MEGF6: variants seen among roughly 807,000 people sequenced by gnomAD.
MEGF6 encodes multiple epidermal growth factor-like domains protein 6.
MEGF6 carries 184 observed loss-of-function variants against 207.1 expected under a neutral mutation model. The observed-to-expected ratio is 0.89, with a 90% CI of 0.79 to 1.00. The LOEUF is 1.00. MEGF6 is among the 50% of genes least tolerant of loss of function. The pLI is 0.00. For synonymous variants in MEGF6, 1,038 were observed against 910.0 expected (o/e 1.14, Z -2.53); for missense variants, 2,282 against 2,202.9 (o/e 1.04, Z -0.72).
chr1:3,586,093 CAT>C (rs1365631590), intron 3 of MEGF6, among the ~76,000 whole-genome samples: 9 of 142,676 alleles, frequency 6.3e-5, no homozygotes, highest in African/African-American at 2.4e-4. Flanking sequence ...TGTGAGGACA[CAT>C]GTCCTGTGTG....
chr1:3,500,076 G>A lies in MEGF6; in HGVS notation c.2708-152C>T, dbSNP rs1012962120. On this transcript the variant is annotated intron_variant, in intron 21 of 36. Transcript: ENST00000356575. ...CAAGGGAGACTGGGCTCACTCACAT[G>A]CTTCATCCCCCACCCAGGTGGGGCC... The A allele has an allele frequency of 1.2e-5, 15 of 1,242,664 alleles. No homozygotes were observed. The African/African-American group carries it at 2.3e-4, about 19-fold the overall frequency. The allele number at this position is 1,242,664 out of a possible 1,614,324, so 77.0% of individuals were successfully genotyped here. A position where few individuals can be genotyped will look rare whatever the true frequency, so the allele number is the denominator to read the frequency against.
rs1006197405 is a variant in MEGF6, at chr1:3,496,076, C to T, written c.3743-58G>A. 3.4e-6 allele frequency: 5 copies of T among 1,461,590 alleles called. No homozygotes were observed. In the African/African-American group the frequency reaches 7.1e-5, roughly 21 times the overall value. The allele number at this position is 1,461,590 out of a possible 1,614,324, so 90.5% of individuals were successfully genotyped here. On this transcript the variant is annotated intron_variant, in intron 29 of 36. Transcript: ENST00000356575. ...TTCCCTTCTCTCCCTGCCCGGTCAACCCCGGAGTGGGGATAGGACAGGATG... is the reference window on the plus strand; with the variant it reads ...TTCCCTTCTCTCCCTGCCCGGTCAATCCCGGAGTGGGGATAGGACAGGATG...
At chr1:3,537,300 G>T (rs1199717150) in intron 4 of MEGF6, among the ~76,000 whole-genome samples, 1 of 152,254 alleles carries the variant, frequency 6.6e-6, no homozygotes, top group Non-Finnish European at 1.5e-5. Flanking sequence ...GAAACAGGGG[G>T]AAGGAGCTAA....
At position 3,602,518 on chromosome 1, in the gene MEGF6, C is replaced by A; in HGVS notation, c.214G>T (p.Val72Leu). ...CVQALSHTVP[V>L]WKAGCGWQAW... Reference sequence around the variant, plus strand: ...TGCCACCCACAGCCGGCCTTCCACACCGGCACCGTGTGGCTTAAGGCCTGC... The same window carrying A: ...TGCCACCCACAGCCGGCCTTCCACAACGGCACCGTGTGGCTTAAGGCCTGC... Residue 72 changes from valine (V) to leucine (L), a missense_variant, in exon 2 of 37, where the codon GTG becomes TTG. Coordinates refer to ENST00000356575, the MANE Select transcript of MEGF6 (RefSeq NM_001409.4). The A allele has an allele frequency of 6.2e-7, 1 of 1,613,384 alleles. No homozygotes were observed. The highest frequency in any genetic ancestry group is 2.2e-5 in the East Asian group (1 of 44,878).
At position 3,598,604 on chromosome 1, in the gene MEGF6, C is replaced by T. The variant is rs373003438; in HGVS notation, c.267-3157G>A. 1.5e-4 allele frequency among the ~76,000 whole-genome samples: 23 copies of T among 152,300 alleles called. 1 individual carries two copies. The East Asian group carries it at 3.5e-3, about 23-fold the overall frequency. ...CAAAAGGGAATGACCCTTGCAGTCC[C>T]TGCAGCCCCGTGAAGACCAGCCCTC... is the stretch of plus-strand genomic sequence containing the variant. On this transcript the variant is annotated intron_variant, in intron 2 of 36. Coordinates refer to ENST00000356575, the MANE Select transcript of MEGF6 (RefSeq NM_001409.4).
chr1:3,596,944 C>A (rs919073261), intron 2 of MEGF6, among the ~76,000 whole-genome samples: 3 of 152,180 alleles, frequency 2.0e-5, no homozygotes, highest in African/African-American at 7.2e-5. Context: ...TCGTAAGTCT[C>A]AGTTCCTCCT....
chr1:3,531,227 G>A, intron 4 of MEGF6: 2 of 1,478,076 alleles, frequency 1.4e-6, no homozygotes, highest in South Asian at 1.3e-5. Context: ...GCCAGCCCGC[G>A]GTCCCGGGAC....
chr1:3,506,253 T>A lies in MEGF6; in HGVS notation c.1790-17A>T. The A allele has an allele frequency of 6.2e-7, 1 of 1,606,232 alleles. No individual in the cohort carries two copies. Among genetic ancestry groups the A allele is most frequent in the Non-Finnish European group, 8.5e-7 (1 of 1,177,218 alleles). On this transcript the variant is annotated splice_polypyrimidine_tract_variant and intron_variant, in intron 14 of 36. Transcript: ENST00000356575. Reference sequence around the variant, plus strand: ...TGGGGCAGCCTGGGGGCAGCGGGGCTCCATGTGAACCTTGGTGGCAGCCAG... The same window carrying A: ...TGGGGCAGCCTGGGGGCAGCGGGGCACCATGTGAACCTTGGTGGCAGCCAG...
At chr1:3,521,093 G>T (rs368329320) in intron 5 of MEGF6, among the ~76,000 whole-genome samples, 1 of 152,164 alleles carries the variant, frequency 6.6e-6, no homozygotes, top group African/African-American at 2.4e-5. Context: ...CCCCTGCAAA[G>T]CCCCAGGCGG....
chr1:3,602,637 C>T (rs1235761550), intron 1 of MEGF6, 37 bp from the exon 2 acceptor site: 1 of 1,572,314 alleles, frequency 6.4e-7, no homozygotes, highest in Non-Finnish European at 8.7e-7. Flanking sequence ...GCCTCGGCCA[C>T]CCCCAGCCGG....
chr1:3,526,666 C>T (rs1021845743), intron 4 of MEGF6, among the ~76,000 whole-genome samples: 27 of 152,212 alleles, frequency 1.8e-4, no homozygotes, highest in East Asian at 7.7e-4. Flanking sequence ...CCCAAAGTGC[C>T]GAGATTACAG....
At chr1:3,532,204 TC>T (rs1642200137) in intron 4 of MEGF6, among the ~76,000 whole-genome samples, 1 of 152,234 alleles carries the variant, frequency 6.6e-6, no homozygotes, top group Non-Finnish European at 1.5e-5. Context: ...GAGGCAGTCC[TC>T]CCAGGGTCGG....
chr1:3,488,263 C>G lies in MEGF6; in HGVS notation c.*2265G>C, dbSNP rs999530795. ...TCTGCTCCTGACCGCCGTTGGATAG[C>G]TGAGATTTCCTCCGGATGGGCAGAA... On this transcript the variant is annotated 3_prime_UTR_variant, in exon 37 of 37. Transcript: ENST00000356575. Among the ~76,000 whole-genome samples the G allele has an allele frequency of 3.3e-5, 5 of 152,192 alleles. No individual in the cohort carries two copies. Among genetic ancestry groups the G allele is most frequent in the African/African-American group, 1.2e-4 (5 of 41,444 alleles).
chr1:3,572,229 C>T (rs1643521686), intron 4 of MEGF6, among the ~76,000 whole-genome samples: 1 of 139,448 alleles, frequency 7.2e-6, no homozygotes, highest in African/African-American at 2.7e-5. Context: ...CTAGGTCCTT[C>T]CCGAGTGTGC....
chr1:3,543,409 A>G (rs1642592683), intron 4 of MEGF6, among the ~76,000 whole-genome samples: 2 of 152,186 alleles, frequency 1.3e-5, no homozygotes, highest in Admixed American at 1.3e-4. Context: ...CCATGCGCTC[A>G]CTCACTCGCT....
chr1:3,575,656 AAGAG>A (rs1169647021), intron 4 of MEGF6, among the ~76,000 whole-genome samples: 2 of 149,544 alleles, frequency 1.3e-5, no homozygotes, highest in Non-Finnish European at 3.0e-5. Context: ...GCAGCAGGCA[AAGAG>A]AGAGAGCTTG....
chr1:3,575,605 GGCA>G (rs879875291), intron 4 of MEGF6, among the ~76,000 whole-genome samples: 316 of 141,858 alleles, frequency 2.2e-3, no homozygotes, highest in Non-Finnish European at 4.0e-3. Context: ...TCACAATCAT[GGCA>G]GAAGGCAAGG....
intron 4 of MEGF6, among the ~76,000 whole-genome samples, chr1:3,538,853 A>T (rs1642415987): frequency 6.6e-6 from 1 of 152,064 alleles, no homozygotes; most frequent in Admixed American, 6.5e-5. Context: ...CTGGGGATGT[A>T]GCCCCCAGGC....
upstream of MEGF6, chr1:3,611,614 C>T (rs758842588): frequency 3.3e-4 from 61 of 186,188 alleles, no homozygotes; most frequent in Non-Finnish European, 5.1e-4. Context: ...CCCTCGGCCC[C>T]GCCCCTTCCC....
Sources: gnomAD v4.1 joint callset for allele counts (sites outside exome capture counted in the v4.1 genomes callset) on GRCh38, gnomAD v4.1.1 for gene constraint, MANE v1.5 for transcripts, NCBI Gene and HGNC (gene_info 2026-07-23, HGNC 2026-07-21) for gene names.